The following EXD3 variants were observed in gnomAD, a reference collection of about 807,000 sequenced individuals.
The protein encoded by EXD3 is exonuclease 3'-5' domain containing 3.
A neutral mutation model predicts 98.0 loss-of-function variants in EXD3; 92 were observed. The ratio of observed to expected loss-of-function variants is 0.94; its 90% confidence interval spans 0.79 to 1.12. The LOEUF (loss-of-function observed/expected upper bound fraction) is 1.12, where lower values mean the gene tolerates loss of function less well. Ranked by LOEUF, EXD3 falls within the 50% of genes most tolerant of loss-of-function variation. The pLI, the probability that EXD3 is intolerant of heterozygous loss-of-function variation, is 0.00. For synonymous variants in EXD3, 569 were observed against 526.0 expected, an observed-to-expected ratio of 1.08 and a Z score of -1.12; for missense variants, 1,222 against 1,191.6, an observed-to-expected ratio of 1.03 and a Z score of -0.38.
Position 137,361,241 on chromosome 9 carries a change from G to A in EXD3, c.657-4873C>T, listed in dbSNP as rs1309499913. ...AAAGAGCTGTGGAGCTCTGCAGGGA[G>A]CGCCCTTGAGAATTCGCCCAAGTAA... On this transcript the variant is annotated intron_variant, in intron 7 of 21. Coordinates refer to ENST00000340951, the MANE Select transcript of EXD3 (RefSeq NM_017820.5). 3.4e-5 allele frequency among the ~76,000 whole-genome samples: 3 copies of A among 87,066 alleles called. 1 individual carries two copies. Among genetic ancestry groups the A allele is most frequent in the Non-Finnish European group, 5.7e-5 (2 of 35,230 alleles). The allele number at this position is 87,066 out of a possible 152,430, so 57.1% of individuals were successfully genotyped here. A position where few individuals can be genotyped will look rare whatever the true frequency, so the allele number is the denominator to read the frequency against.
rs1275002936 is a variant in EXD3 at position 137,395,723 on chromosome 9, G to A, written c.-47-319C>T. Among the ~76,000 whole-genome samples the A allele has an allele frequency of 6.6e-6, 1 of 152,068 alleles. No individual in the cohort carries two copies. The highest frequency in any genetic ancestry group is 1.9e-4 in the East Asian group (1 of 5,152). ...GGAGTGCAGAGGGGCCTGTTCTTGAGGACAGCGTGACCCCCCTTGCCATGT... is the reference window on the plus strand; with the variant it reads ...GGAGTGCAGAGGGGCCTGTTCTTGAAGACAGCGTGACCCCCCTTGCCATGT... On this transcript the variant is annotated intron_variant, in intron 1 of 21. Transcript: ENST00000340951. The surrounding 1 kb of genome is among the most constrained non-coding windows in gnomAD (Gnocchi z 6.5).
chr9:137,390,661 G>T (rs1341468701), intron 2 of EXD3, among the ~76,000 whole-genome samples: 2 of 152,178 alleles, frequency 1.3e-5, no homozygotes, highest in Non-Finnish European at 2.9e-5. Flanking sequence ...GTGTGGAAGG[G>T]CGTTTTCACG....
At chr9:137,367,205 C>G (rs771369706) in intron 6 of EXD3, among the ~76,000 whole-genome samples, 2 of 152,134 alleles carry the variant, frequency 1.3e-5, no homozygotes, top group Non-Finnish European at 2.9e-5. Context: ...TGCATGGGGC[C>G]CACCTGCCCA....
At chr9:137,311,857 C>T (rs967228411) in intron 19 of EXD3, among the ~76,000 whole-genome samples, 5 of 152,328 alleles carry the variant, frequency 3.3e-5, no homozygotes, top group East Asian at 1.9e-4. Context: ...GTGGCTGCCA[C>T]GGGCTGAGGG....
Position 137,395,780 on chromosome 9 carries a change from A to G in EXD3, c.-47-376T>C, listed in dbSNP as rs1837189558. Among the ~76,000 whole-genome samples, 1 of 151,874 alleles carries G rather than the reference A, an allele frequency of 6.6e-6. No individual in the cohort carries two copies. The highest frequency in any genetic ancestry group is 6.6e-5 in the Admixed American group (1 of 15,260). Reference sequence around the variant, plus strand: ...CAGGCTGTGTGTCCTGCCCTGAGGGAGCCACATGGGAGAGAGGTGCTCTCC... The same window carrying G: ...CAGGCTGTGTGTCCTGCCCTGAGGGGGCCACATGGGAGAGAGGTGCTCTCC... On this transcript the variant is annotated intron_variant, in intron 1 of 21. Transcript: ENST00000340951. This position sits in a 1 kb window ranked among gnomAD's most constrained non-coding sequence, Gnocchi z 6.5.
chr9:137,355,693 G>GGGAGGAAGGAGGAAGGAGGAAGGAGGAA (rs773247333), intron 8 of EXD3, among the ~76,000 whole-genome samples: 1 of 40,548 alleles, frequency 2.5e-5, no homozygotes, highest in African/African-American at 5.7e-5. Context: ...GAAGGAGAAA[G>GGGAGGAAGGAGGAAGGAGGAAGGAGGAA]GGAGGAAGGA....
chr9:137,308,781 C>T (rs1038020771), intron 20 of EXD3, among the ~76,000 whole-genome samples: 20 of 152,014 alleles, frequency 1.3e-4, no homozygotes, highest in Admixed American at 3.9e-4. Context: ...GGACCACAGG[C>T]GTGTGCCACC....
intron 7 of EXD3, among the ~76,000 whole-genome samples, chr9:137,357,766 TTATTAAG>T (rs1192689230): frequency 3.3e-5 from 5 of 150,542 alleles, no homozygotes; most frequent in African/African-American, 1.2e-4. Flanking sequence ...AAAGGTGAGT[TTATTAAG>T]TATTAACTCA....
chr9:137,314,145 G>T (rs1247980486), intron 19 of EXD3, among the ~76,000 whole-genome samples: 2 of 152,186 alleles, frequency 1.3e-5, no homozygotes, highest in Non-Finnish European at 1.5e-5. Context: ...TGGACAGGGC[G>T]AGCCAGCGGC....
chr9:137,379,201 G>T (rs1280532615), intron 3 of EXD3, among the ~76,000 whole-genome samples: 69 of 70,050 alleles, frequency 9.9e-4, no homozygotes, highest in African/African-American at 3.6e-3. Context: ...GTCTGTGTGA[G>T]GGGTACGGGG....
chr9:137,371,673 C>A lies in EXD3; in HGVS notation c.462+1232G>T, dbSNP rs372972718. Among the ~76,000 whole-genome samples, 6 of 151,752 alleles carry A rather than the reference C, an allele frequency of 4.0e-5. No individual in the cohort carries two copies. Among genetic ancestry groups the A allele is most frequent in the Non-Finnish European group, 5.9e-5 (4 of 67,854 alleles). ...TGATCAGTGCACCCTGAGCTGAGCA[C>A]CCCCAGGCCAGGCACCCCCGGGGCT... On this transcript the variant is annotated intron_variant, in intron 5 of 21. Coordinates refer to ENST00000340951, the MANE Select transcript of EXD3 (RefSeq NM_017820.5). This position sits in a 1 kb window ranked among gnomAD's most constrained non-coding sequence, Gnocchi z 8.0.
At chr9:137,375,666 G>C (rs1243074669) in intron 3 of EXD3, among the ~76,000 whole-genome samples, 1 of 152,186 alleles carries the variant, frequency 6.6e-6, no homozygotes, top group Non-Finnish European at 1.5e-5. Context: ...GCTCTAGCGA[G>C]TTCTAGCTCT....
intron 1 of EXD3, among the ~76,000 whole-genome samples, chr9:137,396,841 CT>C (rs1314789682): frequency 1.3e-5 from 2 of 152,324 alleles, no homozygotes; most frequent in Non-Finnish European, 1.5e-5. Flanking sequence ...GATGATATAT[CT>C]TAGGAAACCA....
intron 3 of EXD3, among the ~76,000 whole-genome samples, chr9:137,381,573 G>A (rs1034818171): frequency 1.1e-4 from 16 of 151,966 alleles, no homozygotes; most frequent in South Asian, 4.2e-4. Context: ...CCTCCTGCCC[G>A]TCTCCCAGGC....
At position 137,321,857 on chromosome 9, in the gene EXD3, G is replaced by A. The variant is rs553385986; in HGVS notation, c.2184+1868C>T. Among the ~76,000 whole-genome samples, 19 of 152,198 alleles carry A rather than the reference G, an allele frequency of 1.2e-4. No individual in the cohort carries two copies. In the South Asian group the frequency reaches 3.5e-3, roughly 28 times the overall value. On this transcript the variant is annotated intron_variant, in intron 19 of 21. Coordinates refer to ENST00000340951, the MANE Select transcript of EXD3 (RefSeq NM_017820.5). ...CCACAGTCCCCCTTGCTCCCGTGTC[G>A]CCCACGGAGACCCTGGCGCCTTGAG...
chr9:137,354,379 TG>T lies in EXD3; in HGVS notation c.832-3del, dbSNP rs755180072. Reference sequence around the variant, plus strand: ...CCAGTTCTCCTGTGACAGGCTCTTCTGCAAAGGCAAACAGGAAGGGGCGGTT... The same window carrying T: ...CCAGTTCTCCTGTGACAGGCTCTTCTCAAAGGCAAACAGGAAGGGGCGGTT... On this transcript the variant is annotated splice_polypyrimidine_tract_variant and splice_region_variant and intron_variant, in intron 9 of 21. Coordinates refer to ENST00000340951, the MANE Select transcript of EXD3 (RefSeq NM_017820.5). The T allele has an allele frequency of 6.2e-7, 1 of 1,612,328 alleles. No individual in the cohort carries two copies. The highest frequency in any genetic ancestry group is 8.5e-7 in the Non-Finnish European group (1 of 1,179,622).
intron 1 of EXD3, among the ~76,000 whole-genome samples, chr9:137,396,191 C>T (rs1247209292): frequency 6.6e-6 from 1 of 152,134 alleles, no homozygotes; most frequent in African/African-American, 2.4e-5. Flanking sequence ...TGGTATCGAA[C>T]TCCTGACCTC....
intron 1 of EXD3, among the ~76,000 whole-genome samples, chr9:137,399,599 T>C (rs1379107668): frequency 6.6e-6 from 1 of 152,186 alleles, no homozygotes; most frequent in Non-Finnish European, 1.5e-5. Flanking sequence ...CTAACCCCCA[T>C]ATTAGTTCAT....
At chr9:137,404,411 C>T (rs1837620792) in intron 1 of EXD3, among the ~76,000 whole-genome samples, 1 of 152,238 alleles carries the variant, frequency 6.6e-6, no homozygotes, top group Non-Finnish European at 1.5e-5. Context: ...TGAGCTCAGC[C>T]AGGATCAAAG....
Sources: gnomAD v4.1 joint callset for allele counts (sites outside exome capture counted in the v4.1 genomes callset) on GRCh38, gnomAD v4.1.1 for gene constraint, Gnocchi (gnomAD v3.1) non-coding constraint, MANE v1.5 for transcripts, NCBI Gene and HGNC (gene_info 2026-07-23, HGNC 2026-07-21) for gene names.